Variants in CADPS observed in about 807,000 individuals in gnomAD.
The protein encoded by CADPS is calcium dependent secretion activator, also known as calcium-dependent secretion activator 1.
Under a neutral mutation model 167.3 loss-of-function variants are expected in CADPS, and 57 were observed. The ratio of observed to expected loss-of-function variants is 0.34; its 90% CI spans 0.28 to 0.42. The LOEUF is 0.42. CADPS is among the 20% of genes least tolerant of loss of function. The pLI, the probability that CADPS is intolerant of heterozygous loss-of-function variation, is 1.00. For synonymous variants in CADPS, 676 were observed against 635.3 expected, an observed-to-expected ratio of 1.06 and a Z score of -0.96; for missense variants, 1,414 against 1,738.1, an observed-to-expected ratio of 0.81 and a Z score of 3.32.
At chr3:62,865,114 C>T (rs1047332463) in intron 1 of CADPS, among the ~76,000 whole-genome samples, 2 of 152,096 alleles carry the variant, frequency 1.3e-5, no homozygotes, top group African/African-American at 4.8e-5. Context: ...TCAGAAAAAT[C>T]GCCAATGTAG....
chr3:62,624,769 A>C (rs2063751945), intron 6 of CADPS, among the ~76,000 whole-genome samples: 1 of 152,130 alleles, frequency 6.6e-6, no homozygotes, highest in Non-Finnish European at 1.5e-5. Flanking sequence ...TCTACTTCAC[A>C]GAATTGTTCT....
rs913358455 is a variant in CADPS at position 62,420,301 on chromosome 3, T to A, written c.3778-17116A>T. ...TCCTCTAGACAGTTTTGAAACTAGATCTATTTCAATTCAATGAACATGAGC... is the reference window on the plus strand; with the variant it reads ...TCCTCTAGACAGTTTTGAAACTAGAACTATTTCAATTCAATGAACATGAGC... On this transcript the variant is annotated intron_variant, in intron 28 of 29. Coordinates refer to ENST00000383710, the MANE Select transcript of CADPS (RefSeq NM_003716.4). This position sits in a 1 kb window ranked among gnomAD's most constrained non-coding sequence, Gnocchi z 4.1. Among the ~76,000 whole-genome samples, 2 of 152,200 alleles carry A rather than the reference T, an allele frequency of 1.3e-5. No individual in the cohort carries two copies. The highest frequency in any genetic ancestry group is 2.9e-5 in the Non-Finnish European group (2 of 68,040).
intron 3 of CADPS, among the ~76,000 whole-genome samples, chr3:62,722,511 G>A (rs1027138003): frequency 6.6e-6 from 1 of 152,214 alleles, no homozygotes; most frequent in Non-Finnish European, 1.5e-5. Flanking sequence ...CTGAGATCCT[G>A]TGTCACACAG....
intron 3 of CADPS, among the ~76,000 whole-genome samples, chr3:62,715,259 T>G (rs543824349): frequency 6.6e-6 from 1 of 152,154 alleles, no homozygotes; most frequent in Non-Finnish European, 1.5e-5. Context: ...TTTTAGCACA[T>G]GTGAGGTATT....
chr3:62,607,433 A>G (rs2060842438), intron 6 of CADPS, among the ~76,000 whole-genome samples: 1 of 151,884 alleles, frequency 6.6e-6, no homozygotes, highest in African/African-American at 2.4e-5. Flanking sequence ...TGCTCCCAGG[A>G]AAAGCCCTAA....
At chr3:62,708,815 C>G (rs2082809720) in intron 3 of CADPS, among the ~76,000 whole-genome samples, 1 of 151,936 alleles carries the variant, frequency 6.6e-6, no homozygotes, top group Non-Finnish European at 1.5e-5. Context: ...AGTAGCTGAA[C>G]AGGATAAAGA....
At chr3:62,806,941 T>A (rs1436724543) in intron 1 of CADPS, among the ~76,000 whole-genome samples, 1 of 152,138 alleles carries the variant, frequency 6.6e-6, no homozygotes, top group African/African-American at 2.4e-5. Flanking sequence ...TTTATAGTCT[T>A]GGGACAGTGA....
intron 3 of CADPS, among the ~76,000 whole-genome samples, chr3:62,693,660 C>T (rs6784339): frequency 0.39 from 58,608 of 151,478 alleles, 12,461 homozygotes; most frequent in East Asian, 0.74. Context: ...TGGCGCATGC[C>T]CGTAGTCCCA....
intron 3 of CADPS, among the ~76,000 whole-genome samples, chr3:62,683,039 T>A (rs1388493417): frequency 6.6e-6 from 1 of 152,048 alleles, no homozygotes; most frequent in African/African-American, 2.4e-5. Flanking sequence ...CCAGAGGAAA[T>A]GTTGGAAGCA....
At chr3:62,816,323 G>A in intron 1 of CADPS, among the ~76,000 whole-genome samples, 1 of 152,102 alleles carries the variant, frequency 6.6e-6, no homozygotes, top group East Asian at 1.9e-4. Context: ...TGTGGGCTTA[G>A]AGGTTGTCTC....
chr3:62,611,120 A>G (rs569838941), intron 6 of CADPS, among the ~76,000 whole-genome samples: 66 of 152,002 alleles, frequency 4.3e-4, no homozygotes, highest in African/African-American at 1.6e-3. Context: ...TGACCACCCC[A>G]CTGTCTCATA....
chr3:62,564,158 C>T (rs1466566264), intron 9 of CADPS, among the ~76,000 whole-genome samples: 1 of 152,038 alleles, frequency 6.6e-6, no homozygotes, highest in Non-Finnish European at 1.5e-5. Flanking sequence ...CCCGCCACCA[C>T]GCTTGCCTAA....
At chr3:62,709,229 C>G (rs2082912775) in intron 3 of CADPS, among the ~76,000 whole-genome samples, 1 of 152,008 alleles carries the variant, frequency 6.6e-6, no homozygotes, top group African/African-American at 2.4e-5. Flanking sequence ...TCAAGCAGAA[C>G]AAAACCACGT....
At chr3:62,762,449 G>A (rs1447253538) in intron 2 of CADPS, among the ~76,000 whole-genome samples, 1 of 152,008 alleles carries the variant, frequency 6.6e-6, no homozygotes, top group Non-Finnish European at 1.5e-5. Context: ...TTGAGCCCAG[G>A]AGTTCAAGAG....
At chr3:62,733,384 T>C (rs2078325973) in intron 3 of CADPS, among the ~76,000 whole-genome samples, 1 of 151,820 alleles carries the variant, frequency 6.6e-6, no homozygotes, top group Admixed American at 6.6e-5. Flanking sequence ...AATGTTTTCA[T>C]TTTGTTTTAA....
At chr3:62,407,245 G>C (rs573070210) in intron 28 of CADPS, among the ~76,000 whole-genome samples, 19 of 152,210 alleles carry the variant, frequency 1.2e-4, no homozygotes, top group African/African-American at 4.6e-4. Context: ...CGTTACCAGG[G>C]AAAGTCATGT....
Position 62,602,968 on chromosome 3 carries a change from G to A in CADPS, c.1326-10220C>T, listed in dbSNP as rs562773916. On this transcript the variant is annotated intron_variant, in intron 6 of 29. Coordinates refer to ENST00000383710, the MANE Select transcript of CADPS (RefSeq NM_003716.4). The surrounding 1 kb of genome is among the most constrained non-coding windows in gnomAD (Gnocchi z 4.4). ...ATATCACAAATCTGATTTTTGCTAT[G>A]GAGAAAAAGAAAGCAGAAAATGGCA... is the stretch of plus-strand genomic sequence containing the variant. Among the ~76,000 whole-genome samples, 4 of 152,208 alleles carry A rather than the reference G, an allele frequency of 2.6e-5. No homozygotes were observed. The highest frequency in any genetic ancestry group is 9.6e-5 in the African/African-American group (4 of 41,524).
At chr3:62,853,847 T>C (rs1213906911) in intron 1 of CADPS, among the ~76,000 whole-genome samples, 1 of 151,902 alleles carries the variant, frequency 6.6e-6, no homozygotes, top group Non-Finnish European at 1.5e-5. Flanking sequence ...TCCCAGTTAC[T>C]TGGGGGGCTG....
chr3:62,454,305 T>C (rs1034384049), intron 26 of CADPS, among the ~76,000 whole-genome samples: 1 of 152,220 alleles, frequency 6.6e-6, no homozygotes, highest in African/African-American at 2.4e-5. Context: ...TAGTCATATA[T>C]AAAATCAGGA....
Sources: gnomAD v4.1 joint callset for allele counts (sites outside exome capture counted in the v4.1 genomes callset) on GRCh38, gnomAD v4.1.1 for gene constraint, Gnocchi (gnomAD v3.1) non-coding constraint, MANE v1.5 for transcripts, NCBI Gene and HGNC (gene_info 2026-07-23, HGNC 2026-07-21) for gene names.